Variants in GLIS1 observed in about 807,000 individuals in gnomAD.
GLIS1 encodes the protein zinc finger protein GLIS1.
A neutral mutation model predicts 63.8 loss-of-function variants in GLIS1; 24 were observed. The ratio of observed to expected loss-of-function variants is 0.38; its 90% CI spans 0.27 to 0.53. The LOEUF is 0.53. Among genes scored for constraint, GLIS1 ranks in the 20% least tolerant of loss-of-function variants. GLIS1 has a pLI of 0.85. For missense variants in GLIS1, 1,036 were observed against 1,074.1 expected (o/e 0.96, Z 0.50); for synonymous variants, 450 against 482.5 (o/e 0.93, Z 0.88).
intron 4 of GLIS1, among the ~76,000 whole-genome samples, chr1:53,551,190 G>T (rs1229758542): frequency 1.3e-5 from 2 of 152,194 alleles, no homozygotes; most frequent in African/African-American, 4.8e-5. Flanking sequence ...CTCACTATGT[G>T]CCCGGCATTG....
intron 2 of GLIS1, among the ~76,000 whole-genome samples, chr1:53,641,123 G>A (rs1177536506): frequency 2.6e-5 from 4 of 152,144 alleles, no homozygotes; most frequent in Non-Finnish European, 5.9e-5. Context: ...TATCTTGGGG[G>A]ACCACGGGGC....
At chr1:53,658,860 A>G (rs563070121) in intron 2 of GLIS1, among the ~76,000 whole-genome samples, 1 of 152,274 alleles carries the variant, frequency 6.6e-6, no homozygotes, top group South Asian at 2.1e-4. Context: ...CCCCACCCAG[A>G]GTAGGCACAA....
intron 2 of GLIS1, among the ~76,000 whole-genome samples, chr1:53,669,711 C>T (rs1011055196): frequency 1.6e-4 from 25 of 152,232 alleles, no homozygotes; most frequent in African/African-American, 5.5e-4. Context: ...CCTCCCATCA[C>T]GTGCTAACTG....
At position 53,574,522 on chromosome 1, in the gene GLIS1, T is replaced by C. The variant is rs1645013579; in HGVS notation, c.1320+19586A>G. ...TCTGGGACACCCACCTAAACACCATTGTACAGGTGAGGAAACAGAAGCTTC... is the reference window on the plus strand; with the variant it reads ...TCTGGGACACCCACCTAAACACCATCGTACAGGTGAGGAAACAGAAGCTTC... On this transcript the variant is annotated intron_variant, in intron 4 of 10. Transcript: ENST00000628545. This position sits in a 1 kb window ranked among gnomAD's most constrained non-coding sequence, Gnocchi z 4.2. Among the ~76,000 whole-genome samples, 1 of 152,122 alleles carries C rather than the reference T, an allele frequency of 6.6e-6. No homozygotes were observed. Among genetic ancestry groups the C allele is most frequent in the African/African-American group, 2.4e-5 (1 of 41,404 alleles).
intron 4 of GLIS1, among the ~76,000 whole-genome samples, chr1:53,534,712 G>A (rs961523542): frequency 1.0e-4 from 12 of 118,408 alleles, no homozygotes; most frequent in South Asian, 9.2e-4. Flanking sequence ...TTCCACTCAC[G>A]CACTTCTGCG....
At chr1:53,548,869 ACAAT>A (rs1388781633) in intron 4 of GLIS1, among the ~76,000 whole-genome samples, 1 of 152,216 alleles carries the variant, frequency 6.6e-6, no homozygotes. Flanking sequence ...AAGCATTACC[ACAAT>A]CAATTTTAGA....
At chr1:53,667,303 C>G (rs1285872449) in intron 2 of GLIS1, among the ~76,000 whole-genome samples, 1 of 152,216 alleles carries the variant, frequency 6.6e-6, no homozygotes, top group Non-Finnish European at 1.5e-5. Context: ...GCCTCACATC[C>G]CACTCAAACC....
rs941288614 is a variant in GLIS1, at chr1:53,646,880, AGAAGG to A, written c.260-46607_260-46603del. 4.8e-5 allele frequency among the ~76,000 whole-genome samples: 7 copies of A among 146,230 alleles called. No homozygotes were observed. The highest frequency in any genetic ancestry group is 1.1e-4 in the Non-Finnish European group (7 of 66,492). ...GAAGGAAAGAAGGAAGGAAGGAAGG[AGAAGG>A]GAAGGGAAGGAAGGAAAGGAAGGAA... On this transcript the variant is annotated intron_variant, in intron 2 of 10. Transcript: ENST00000628545. This position sits in a 1 kb window ranked among gnomAD's most constrained non-coding sequence, Gnocchi z 4.2.
intron 2 of GLIS1, among the ~76,000 whole-genome samples, chr1:53,641,893 C>T (rs1387541946): frequency 6.6e-6 from 1 of 152,224 alleles, no homozygotes; most frequent in African/African-American, 2.4e-5. Flanking sequence ...ATTTAATCTC[C>T]AGCCCCAGGT....
intron 2 of GLIS1, among the ~76,000 whole-genome samples, chr1:53,669,088 C>A (rs968956595): frequency 6.6e-6 from 1 of 152,230 alleles, no homozygotes; most frequent in African/African-American, 2.4e-5. Flanking sequence ...CCCAGACAAT[C>A]TTCAGGTAAG....
intron 4 of GLIS1, among the ~76,000 whole-genome samples, chr1:53,578,238 C>A (rs1009412029): frequency 6.6e-6 from 1 of 152,162 alleles, no homozygotes; most frequent in African/African-American, 2.4e-5. Context: ...TAATTAACTT[C>A]TCTGAATCTC....
chr1:53,587,739 A>G (rs1389764526), intron 4 of GLIS1, among the ~76,000 whole-genome samples: 1 of 152,232 alleles, frequency 6.6e-6, no homozygotes, highest in East Asian at 1.9e-4. Context: ...CACTCGACTG[A>G]GGGCTCCTTG....
intron 2 of GLIS1, among the ~76,000 whole-genome samples, chr1:53,631,451 T>A (rs951645263): frequency 6.6e-6 from 1 of 152,218 alleles, no homozygotes; most frequent in Non-Finnish European, 1.5e-5. Context: ...AAATATCACA[T>A]GTATGTACTT....
intron 4 of GLIS1, among the ~76,000 whole-genome samples, chr1:53,563,301 C>T (rs912838486): frequency 6.6e-6 from 1 of 152,224 alleles, no homozygotes; most frequent in Non-Finnish European, 1.5e-5. Context: ...AATGATCAGA[C>T]TTGGAGTATA....
chr1:53,635,265 C>T (rs1159552949), intron 2 of GLIS1, among the ~76,000 whole-genome samples: 1 of 151,702 alleles, frequency 6.6e-6, no homozygotes, highest in Non-Finnish European at 1.5e-5. Context: ...CTCGATAGTT[C>T]AAAGAATTGA....
At chr1:53,536,576 C>T (rs1644583655) in intron 4 of GLIS1, among the ~76,000 whole-genome samples, 1 of 152,114 alleles carries the variant, frequency 6.6e-6, no homozygotes, top group Non-Finnish European at 1.5e-5. Context: ...GGTGATGTCA[C>T]TGGCTCCAGG....
At chr1:53,735,877 A>T (rs1646907626) in intron 2 of GLIS1, among the ~76,000 whole-genome samples, 1 of 152,156 alleles carries the variant, frequency 6.6e-6, no homozygotes, top group Non-Finnish European at 1.5e-5. Flanking sequence ...CTGCACTGTG[A>T]GGAAAAGCTT....
chr1:53,521,505 C>G (rs1030889967), intron 6 of GLIS1, among the ~76,000 whole-genome samples: 2 of 152,182 alleles, frequency 1.3e-5, no homozygotes, highest in African/African-American at 4.8e-5. Flanking sequence ...GCCTACCCAG[C>G]CTGTAATAAG....
intron 2 of GLIS1, among the ~76,000 whole-genome samples, chr1:53,729,246 C>T (rs1265517519): frequency 2.6e-5 from 4 of 152,124 alleles, no homozygotes; most frequent in Admixed American, 6.5e-5. Context: ...CGCATCCACC[C>T]GCGGACCCCT....
Sources: gnomAD v4.1 joint callset for allele counts (sites outside exome capture counted in the v4.1 genomes callset) on GRCh38, gnomAD v4.1.1 for gene constraint, Gnocchi (gnomAD v3.1) non-coding constraint, MANE v1.5 for transcripts, NCBI Gene and HGNC (gene_info 2026-07-23, HGNC 2026-07-21) for gene names.